NRXN3: variants seen among roughly 807,000 people sequenced by gnomAD.
NRXN3 encodes the protein neurexin 3, also known as neurexin III.
A neutral mutation model predicts 137.6 loss-of-function variants in NRXN3; 32 were observed. The ratio of observed to expected loss-of-function variants is 0.23; its 90% CI spans 0.18 to 0.31. The LOEUF is 0.31. NRXN3 is among the 10% of genes least tolerant of loss of function. The probability of loss-of-function intolerance (pLI) is 1.00; values close to 1 mark genes in which losing one functional copy is unlikely to be tolerated. For synonymous variants in NRXN3, 798 were observed against 784.5 expected (o/e 1.02, Z -0.29); for missense variants, 1,574 against 2,062.5 (o/e 0.76, Z 4.59).
intron 4 of NRXN3, among the ~76,000 whole-genome samples, chr14:78,468,297 C>T (rs1169672491): frequency 1.3e-5 from 2 of 152,114 alleles, no homozygotes; most frequent in Non-Finnish European, 1.5e-5. Flanking sequence ...TACACACCTG[C>T]TGATATGGTT....
chr14:78,387,030 C>T (rs1013037535), intron 4 of NRXN3, among the ~76,000 whole-genome samples: 1 of 152,096 alleles, frequency 6.6e-6, no homozygotes, highest in Non-Finnish European at 1.5e-5. Flanking sequence ...ATCCACCCTC[C>T]TCGGCCTCCC....
At chr14:79,297,321 A>T (rs946961534) in intron 15 of NRXN3, among the ~76,000 whole-genome samples, 2 of 152,146 alleles carry the variant, frequency 1.3e-5, no homozygotes, top group Non-Finnish European at 2.9e-5. Flanking sequence ...AAGACAGCCA[A>T]TTAAATTTGT....
At chr14:78,776,407 C>T (rs961342231) in intron 8 of NRXN3, among the ~76,000 whole-genome samples, 4 of 151,896 alleles carry the variant, frequency 2.6e-5, no homozygotes, top group Admixed American at 6.6e-5. Flanking sequence ...TAAATGGTCT[C>T]GTAATTTTGT....
rs78082199 is a variant in NRXN3 at position 79,695,153 on chromosome 14, A to T, written c.3707-2477A>T. Among the ~76,000 whole-genome samples the T allele has an allele frequency of 1.4e-3, 211 of 152,010 alleles. 4 individuals carry two copies. The East Asian group carries it at 0.032, about 23-fold the overall frequency. The stretch of plus-strand genomic sequence containing the variant: ...CAAAGAGCACTTTGTGGAGTGAATG[A>T]TGGCAACTGGAATGAAGGAGACTCA... On this transcript the variant is annotated intron_variant, in intron 18 of 20. Transcript: ENST00000335750.
At chr14:79,257,700 TA>T (rs1043979117) in intron 15 of NRXN3, among the ~76,000 whole-genome samples, 47 of 150,904 alleles carry the variant, frequency 3.1e-4, no homozygotes, top group African/African-American at 1.1e-3. Flanking sequence ...ATTTGAGAAG[TA>T]AGACAAATTA....
At chr14:79,570,792 T>C (rs1185084874) in intron 16 of NRXN3, among the ~76,000 whole-genome samples, 5 of 152,186 alleles carry the variant, frequency 3.3e-5, no homozygotes, top group African/African-American at 1.2e-4. Context: ...TGCTAGCCAA[T>C]TGGCTTTCTG....
intron 15 of NRXN3, among the ~76,000 whole-genome samples, chr14:79,318,887 C>G (rs1598658369): frequency 6.6e-6 from 1 of 152,176 alleles, no homozygotes; most frequent in Non-Finnish European, 1.5e-5. Flanking sequence ...GCTGCAGACT[C>G]TCTAAGTATT....
chr14:79,409,617 CTA>C (rs796485268), intron 15 of NRXN3, among the ~76,000 whole-genome samples: 20,792 of 111,636 alleles, frequency 0.19, 1,799 homozygotes, highest in Non-Finnish European at 0.22. Flanking sequence ...GTGTGTGTGT[CTA>C]TATATATATA....
intron 15 of NRXN3, among the ~76,000 whole-genome samples, chr14:79,378,208 C>T (rs971300600): frequency 6.6e-6 from 1 of 152,162 alleles, no homozygotes; most frequent in Non-Finnish European, 1.5e-5. Flanking sequence ...TTTCTTGGCT[C>T]ATCCCAGAGA....
intron 15 of NRXN3, among the ~76,000 whole-genome samples, chr14:79,355,308 CA>C (rs1218633351): frequency 1.3e-5 from 2 of 151,578 alleles, no homozygotes; most frequent in Non-Finnish European, 2.9e-5. Context: ...TCACATCTCC[CA>C]ACTCCCCCAA....
At chr14:79,634,047 C>G (rs1044214641) in intron 16 of NRXN3, among the ~76,000 whole-genome samples, 1 of 152,174 alleles carries the variant, frequency 6.6e-6, no homozygotes, top group Non-Finnish European at 1.5e-5. Context: ...ACAACTTTTG[C>G]TATCCTCACG....
Position 78,311,361 on chromosome 14 carries a change from G to C in NRXN3, c.757+13501G>C, listed in dbSNP as rs1198294287. Among the ~76,000 whole-genome samples, 5 of 152,156 alleles carry C rather than the reference G, an allele frequency of 3.3e-5. No individual in the cohort carries two copies. The East Asian group carries it at 9.6e-4, about 29-fold the overall frequency. ...CCAAGTCTTCCTGTGATCCCATTAT[G>C]CTTTCAATAGAGAGGGTCTTTGGGT... On this transcript the variant is annotated intron_variant, in intron 4 of 20. Coordinates refer to ENST00000335750, the MANE Select transcript of NRXN3 (RefSeq NM_001330195.2).
At chr14:78,289,717 C>T (rs530073979) in intron 3 of NRXN3, among the ~76,000 whole-genome samples, 4 of 151,936 alleles carry the variant, frequency 2.6e-5, no homozygotes, top group Admixed American at 6.6e-5. Context: ...AGATCAAGAC[C>T]GTCCTGGCCA....
chr14:79,483,836 T>C (rs1489204369), intron 16 of NRXN3, among the ~76,000 whole-genome samples: 2 of 152,098 alleles, frequency 1.3e-5, no homozygotes, highest in African/African-American at 4.8e-5. Flanking sequence ...CACTGTTCTG[T>C]GCACTCAAAC....
chr14:78,268,494 T>C lies in NRXN3; in HGVS notation c.710-10151T>C, dbSNP rs139426741. Among the ~76,000 whole-genome samples, 354 of 152,314 alleles carry C rather than the reference T, an allele frequency of 2.3e-3. 4 individuals are homozygous for C. The highest frequency in any genetic ancestry group is 0.02 in the Admixed American group (309 of 15,292). On this transcript the variant is annotated intron_variant, in intron 2 of 20. Coordinates refer to ENST00000335750, the MANE Select transcript of NRXN3 (RefSeq NM_001330195.2). ...ATGACCATCAGTTCCTTCCATACTT[T>C]CCAGTGGTCTCAGCGAGCACACACT...
intron 4 of NRXN3, among the ~76,000 whole-genome samples, chr14:78,581,479 T>C (rs8005495): frequency 0.21 from 31,291 of 152,136 alleles, 5,796 homozygotes; most frequent in African/African-American, 0.5. Flanking sequence ...ACGAGGGTTC[T>C]GCCCTCATGG....
intron 15 of NRXN3, among the ~76,000 whole-genome samples, chr14:79,078,151 G>C (rs2046295117): frequency 2.6e-5 from 4 of 152,086 alleles, no homozygotes; most frequent in Non-Finnish European, 5.9e-5. Flanking sequence ...TTCTACTGCT[G>C]CTCTTAGAAT....
chr14:79,546,249 T>G (rs1331028462), intron 16 of NRXN3, among the ~76,000 whole-genome samples: 1 of 152,194 alleles, frequency 6.6e-6, no homozygotes, highest in Non-Finnish European at 1.5e-5. Flanking sequence ...TTATGCAATT[T>G]TGGGCCATAG....
chr14:79,100,511 A>T (rs553734200), intron 15 of NRXN3, among the ~76,000 whole-genome samples: 1 of 152,240 alleles, frequency 6.6e-6, no homozygotes, highest in African/African-American at 2.4e-5. Context: ...TTTCAAGTTT[A>T]CGTGTCTAGA....
Sources: allele counts gnomAD v4.1 joint callset (sites outside exome capture counted in the v4.1 genomes callset), GRCh38; gene constraint gnomAD v4.1.1; transcripts MANE v1.5; gene names NCBI Gene and HGNC (gene_info 2026-07-23, HGNC 2026-07-21).